LARGE1: variants seen among roughly 807,000 people sequenced by gnomAD.
LARGE1 encodes LARGE xylosyl- and glucuronyltransferase 1, also known as xylosyl- and glucuronyltransferase LARGE1.
LARGE1 carries 43 observed loss-of-function variants against 87.6 expected under a neutral mutation model. The ratio of observed to expected loss-of-function variants is 0.49; its 90% confidence interval spans 0.38 to 0.63. LARGE1 has a LOEUF of 0.63. Ranked by LOEUF, LARGE1 falls within the 30% of genes least tolerant of loss-of-function variation. The pLI, the probability that LARGE1 is intolerant of heterozygous loss-of-function variation, is 0.00. For synonymous variants in LARGE1, 434 were observed against 394.6 expected (o/e 1.10, Z -1.18); for missense variants, 802 against 1,000.2 (o/e 0.80, Z 2.67).
intron 10 of LARGE1, among the ~76,000 whole-genome samples, chr22:33,333,042 T>C (rs1480776011): frequency 7.3e-6 from 1 of 136,072 alleles, no homozygotes; most frequent in Non-Finnish European, 1.5e-5. Context: ...AGTCTCACTC[T>C]GTCACCCAGG....
At chr22:33,661,706 T>G (rs556136622) in intron 2 of LARGE1, among the ~76,000 whole-genome samples, 35 of 152,200 alleles carry the variant, frequency 2.3e-4, no homozygotes, top group Admixed American at 5.2e-4. Flanking sequence ...AGGAGAAATA[T>G]CCAAGTGAAA....
At chr22:33,284,233 C>A (rs982691180) in intron 12 of LARGE1, among the ~76,000 whole-genome samples, 1 of 152,170 alleles carries the variant, frequency 6.6e-6, no homozygotes, top group Non-Finnish European at 1.5e-5. Flanking sequence ...CACCCCTGGC[C>A]GCACCAGAGC....
intron 6 of LARGE1, among the ~76,000 whole-genome samples, chr22:33,534,253 A>G (rs1489862871): frequency 6.6e-6 from 1 of 152,076 alleles, no homozygotes; most frequent in African/African-American, 2.4e-5. Flanking sequence ...AAATACAAAA[A>G]ATTAGCCGGG....
chr22:33,531,494 T>C (rs1207809252), intron 6 of LARGE1, among the ~76,000 whole-genome samples: 3 of 152,190 alleles, frequency 2.0e-5, no homozygotes, highest in African/African-American at 7.2e-5. Flanking sequence ...TCTCTCCAAC[T>C]ACCTGGATGT....
intron 9 of LARGE1, among the ~76,000 whole-genome samples, chr22:33,359,125 AG>A (rs150485898): frequency 0.076 from 11,525 of 152,174 alleles, 516 homozygotes; most frequent in South Asian, 0.14. Flanking sequence ...CCTACACAAG[AG>A]GGACTGTATA....
chr22:33,594,436 C>A (rs918758938), intron 5 of LARGE1, among the ~76,000 whole-genome samples: 38 of 152,136 alleles, frequency 2.5e-4, no homozygotes, highest in African/African-American at 8.7e-4. Context: ...AGCCTTTTAT[C>A]CTTTCATAAC....
At chr22:33,084,124 T>C in the LARGE1 span, among the ~76,000 whole-genome samples, 1 of 152,204 alleles carries the variant, frequency 6.6e-6, no homozygotes, top group Non-Finnish European at 1.5e-5. Flanking sequence ...TTATTTTTTC[T>C]TATTTATTTA....
intron 7 of LARGE1, among the ~76,000 whole-genome samples, chr22:33,403,288 G>A (rs2065986474): frequency 6.6e-6 from 1 of 152,224 alleles, no homozygotes; most frequent in South Asian, 2.1e-4. Context: ...CTTGCAGAGA[G>A]ATGAGACCAT....
intron 11 of LARGE1, among the ~76,000 whole-genome samples, chr22:33,263,185 G>A (rs1927740498): frequency 6.6e-6 from 1 of 152,102 alleles, no homozygotes; most frequent in Non-Finnish European, 1.5e-5. Flanking sequence ...GAGCCACTGT[G>A]CCCGGCCGAC....
chr22:33,228,647 C>T (rs1925854261), intron 11 of LARGE1, among the ~76,000 whole-genome samples: 2 of 152,140 alleles, frequency 1.3e-5, no homozygotes, highest in African/African-American at 4.8e-5. Flanking sequence ...CTCTGCAATA[C>T]CAGCTTTGCT....
At chr22:33,462,557 T>A (rs1214554270) in intron 6 of LARGE1, among the ~76,000 whole-genome samples, 2 of 152,066 alleles carry the variant, frequency 1.3e-5, no homozygotes, top group Non-Finnish European at 2.9e-5. Context: ...CCGAGGTGGG[T>A]GGATCACGAG....
intron 5 of LARGE1, among the ~76,000 whole-genome samples, chr22:33,587,561 T>C (rs745566600): frequency 6.6e-6 from 1 of 152,172 alleles, no homozygotes; most frequent in Non-Finnish European, 1.5e-5. Flanking sequence ...TTTCTGCGAG[T>C]CTGTATTTCC....
intron 11 of LARGE1, among the ~76,000 whole-genome samples, chr22:33,216,713 A>G (rs777034859): frequency 6.6e-6 from 1 of 151,530 alleles, no homozygotes; most frequent in Non-Finnish European, 1.5e-5. Context: ...GCAACAGAGT[A>G]AAGCCCCAGT....
chr22:33,199,899 G>C (rs1924288259), intron 11 of LARGE1, among the ~76,000 whole-genome samples: 1 of 151,736 alleles, frequency 6.6e-6, no homozygotes, highest in Non-Finnish European at 1.5e-5. Context: ...GCCCAGGCTG[G>C]AGGGCAGTGG....
chr22:33,473,783 T>G (rs943172952), intron 6 of LARGE1, among the ~76,000 whole-genome samples: 1 of 152,016 alleles, frequency 6.6e-6, no homozygotes, highest in African/African-American at 2.4e-5. Context: ...GCTGGGCATA[T>G]GAAAAGTGAT....
chr22:33,518,190 G>C (rs766723395), intron 6 of LARGE1, among the ~76,000 whole-genome samples: 32 of 152,244 alleles, frequency 2.1e-4, no homozygotes, highest in Non-Finnish European at 1.6e-4. Flanking sequence ...ACGTGGCATA[G>C]AGGAACTCAT....
intron 6 of LARGE1, among the ~76,000 whole-genome samples, chr22:33,530,194 T>C (rs1211850493): frequency 6.6e-6 from 1 of 152,172 alleles, no homozygotes; most frequent in Non-Finnish European, 1.5e-5. Context: ...ACAAGACACC[T>C]GGAGCTATGG....
chr22:33,101,038 T>A, the LARGE1 span, among the ~76,000 whole-genome samples: 1 of 151,800 alleles, frequency 6.6e-6, no homozygotes, highest in Non-Finnish European at 1.5e-5. Context: ...AGAGACGGGG[T>A]TTCTCCATGT....
chr22:33,887,212 T>C (rs938342275), intron 1 of LARGE1, among the ~76,000 whole-genome samples: 1 of 152,180 alleles, frequency 6.6e-6, no homozygotes, highest in African/African-American at 2.4e-5. Flanking sequence ...GATGGTATTA[T>C]TAGAAGGTGG....
Sources: gnomAD v4.1 joint callset for allele counts (sites outside exome capture counted in the v4.1 genomes callset) on GRCh38, gnomAD v4.1.1 for gene constraint, MANE v1.5 for transcripts, NCBI Gene and HGNC (gene_info 2026-07-23, HGNC 2026-07-21) for gene names.